The following AKTIP variants were observed in gnomAD, a reference collection of about 807,000 sequenced individuals.
AKTIP encodes AKT interacting protein.
A neutral mutation model predicts 39.1 loss-of-function variants in AKTIP; 16 were observed. That is an observed-to-expected ratio of 0.41 (90% CI 0.28 to 0.62). AKTIP has a LOEUF of 0.62. AKTIP is among the 20% of genes least tolerant of loss of function. The probability of loss-of-function intolerance (pLI) is 0.32; values close to 1 mark genes in which losing one functional copy is unlikely to be tolerated. For missense variants in AKTIP, 262 were observed against 356.6 expected (o/e 0.73, Z 2.14); for synonymous variants, 93 against 124.3 (o/e 0.75, Z 1.67).
At chr16:53,503,880 C>T (rs188315650), upstream of AKTIP, among the ~76,000 whole-genome samples, 1,270 of 152,220 alleles carry the variant, frequency 8.3e-3, 21 homozygotes, top group African/African-American at 0.029. Context: ...GGGAGCTCAG[C>T]TCCAAGTGGG....
upstream of AKTIP, among the ~76,000 whole-genome samples, chr16:53,504,004 G>C (rs1962335288): frequency 6.6e-6 from 1 of 152,108 alleles, no homozygotes; most frequent in Non-Finnish European, 1.5e-5. Context: ...TGAGGACCAG[G>C]AATCCACATC....
chr16:53,503,258 CG>C (rs1962298025), upstream of AKTIP: 1 of 117,062 alleles, frequency 8.5e-6, no homozygotes, highest in African/African-American at 3.3e-5. Context: ...CGCCCCACCC[CG>C]CCCTGCCCTG....
chr16:53,494,558 G>A lies in AKTIP; in HGVS notation c.462C>T (p.Thr154=). Residue 154 remains threonine (T), a synonymous_variant, in exon 6 of 10, where the codon ACC becomes ACT. Transcript: ENST00000394657. ...IPVFHPLVDP[T]SGELDVKRAF... Reference sequence around the variant, plus strand: ...CTCTCTTCACATCCAGCTCACCTGAGGTGGGATCAACTAGCGGGTGAAAGA... The same window carrying A: ...CTCTCTTCACATCCAGCTCACCTGAAGTGGGATCAACTAGCGGGTGAAAGA... The A allele has an allele frequency of 6.2e-7, 1 of 1,614,182 alleles. No homozygotes were observed. The highest frequency in any genetic ancestry group is 8.5e-7 in the Non-Finnish European group (1 of 1,180,026).
At chr16:53,495,692 G>A (rs1309866388) in intron 3 of AKTIP, among the ~76,000 whole-genome samples, 1 of 152,230 alleles carries the variant, frequency 6.6e-6, no homozygotes, top group Non-Finnish European at 1.5e-5. Flanking sequence ...AATGCAACCT[G>A]AGGTAAGTTC....
At chr16:53,498,309 T>C (rs1230001150) in intron 3 of AKTIP, 82 bp downstream of exon 3, 3 of 1,415,766 alleles carry the variant, frequency 2.1e-6, no homozygotes, top group East Asian at 2.3e-5. Context: ...GTCTGCCCTT[T>C]ACTGCATCCA....
At chr16:53,501,333 G>A (rs570030517) in intron 1 of AKTIP, 1 of 152,352 alleles carries the variant, frequency 6.6e-6, no homozygotes, top group East Asian at 1.9e-4. Flanking sequence ...AGGCACGCAA[G>A]AGAGACATTT....
rs770316581 is a variant in AKTIP, at chr16:53,492,507, G to C, written c.784C>G (p.Gln262Glu). The change falls in exon 10 of 10, where the codon CAG becomes GAG. Residue 262 changes from glutamine (Q) to glutamate (E), a missense_variant. This residue lies in a region of AKTIP where 145 missense variants were observed against 159.3 expected (regional missense o/e 0.91). Transcript: ENST00000394657. ...KMLTQKKPEEQHNKSVHVAGL... is the reference protein window; with the variant it reads ...KMLTQKKPEEEHNKSVHVAGL... ...GCAACATGAACACTTTTATTGTGCT[G>C]TTCTTCAGGCTTCTTCTAGGCACAA... The C allele has an allele frequency of 8.7e-6, 14 of 1,614,158 alleles. No homozygotes were observed. Among genetic ancestry groups the C allele is most frequent in the Non-Finnish European group, 1.2e-5 (14 of 1,180,018 alleles).
chr16:53,502,677 G>A (rs1471916576), intron 1 of AKTIP: 1 of 152,420 alleles, frequency 6.6e-6, no homozygotes, highest in Admixed American at 6.5e-5. Flanking sequence ...CCGTCTCTGA[G>A]CACTCAGGGA....
chr16:53,492,554 T>C, intron 9 of AKTIP, 35 bp from the exon 10 acceptor site: 1 of 1,611,516 alleles, frequency 6.2e-7, no homozygotes, highest in Non-Finnish European at 8.5e-7. Flanking sequence ...ATTTAAAAAA[T>C]TACTGGTGAG....
At chr16:53,492,619 G>T in intron 9 of AKTIP, 74 bp downstream of exon 9, 2 of 1,596,830 alleles carry the variant, frequency 1.3e-6, no homozygotes, top group South Asian at 1.1e-5. Flanking sequence ...TGTATGTAAT[G>T]AGCAGTCTCC....
chr16:53,493,527 G>A (rs923658441), intron 8 of AKTIP: 5 of 153,806 alleles, frequency 3.3e-5, no homozygotes, highest in African/African-American at 9.7e-5. Flanking sequence ...GGCTGGTCTT[G>A]AACTCCTGAC....
In AKTIP at chr16:53,492,044, T is replaced by C. The variant is rs1373794861; in HGVS notation, c.*368A>G. The C allele has an allele frequency of 5.4e-6, 1 of 184,156 alleles. No individual in the cohort carries two copies. The highest frequency in any genetic ancestry group is 1.2e-4 in the South Asian group (1 of 8,546). The allele number at this position is 184,156 out of a possible 1,614,324, so 11.4% of individuals were successfully genotyped here. ...CTATACCTCTCCATTTCCTAACATA[T>C]ATACAACTGAAACCACTGATTTATA... On this transcript the variant is annotated 3_prime_UTR_variant, in exon 10 of 10. Transcript: ENST00000394657.
intron 3 of AKTIP, among the ~76,000 whole-genome samples, chr16:53,495,921 C>CA (rs1961803730): frequency 6.6e-6 from 1 of 152,224 alleles, no homozygotes; most frequent in South Asian, 2.1e-4. Context: ...GTGCGGCTCT[C>CA]ACACGCCCTG....
At chr16:53,492,881 G>A in intron 8 of AKTIP, 128 bp from the exon 9 acceptor site, 1 of 744,798 alleles carries the variant, frequency 1.3e-6, no homozygotes, top group Non-Finnish European at 2.3e-6. Flanking sequence ...TTGTCGACAT[G>A]TATGTTTTAG....
upstream of AKTIP, chr16:53,503,307 T>G (rs990306349): frequency 2.1e-4 from 27 of 131,166 alleles, no homozygotes; most frequent in African/African-American, 7.7e-4. Context: ...CGCCCCCTGC[T>G]GCACGATCCT....
chr16:53,502,141 C>T (rs905178620), intron 1 of AKTIP, among the ~76,000 whole-genome samples: 1 of 152,176 alleles, frequency 6.6e-6, no homozygotes, highest in African/African-American at 2.4e-5. Context: ...TAAATTTTGT[C>T]CCCAGTTCTG....
At chr16:53,499,223 C>T (rs537973111) in intron 2 of AKTIP, among the ~76,000 whole-genome samples, 6 of 152,246 alleles carry the variant, frequency 3.9e-5, no homozygotes, top group South Asian at 2.1e-4. Context: ...ACTTCCTTGG[C>T]GCAAGTACAA....
chr16:53,500,262 C>A lies in AKTIP; in HGVS notation c.-3G>T. 1 of 1,612,508 alleles carries A rather than the reference C, an allele frequency of 6.2e-7. No homozygotes were observed. Among genetic ancestry groups the A allele is most frequent in the Non-Finnish European group, 8.5e-7 (1 of 1,179,502 alleles). On this transcript the variant is annotated 5_prime_UTR_variant, in exon 2 of 10. Coordinates refer to ENST00000394657, the MANE Select transcript of AKTIP (RefSeq NM_022476.4). Reference sequence around the variant, plus strand: ...GACATGCTCCAGAAAGGGTTCATAACGTGTATTCCAAACAAAGAAAGTCAG... The same window carrying A: ...GACATGCTCCAGAAAGGGTTCATAAAGTGTATTCCAAACAAAGAAAGTCAG...
At chr16:53,497,401 C>T (rs1961903155) in intron 3 of AKTIP, among the ~76,000 whole-genome samples, 2 of 152,206 alleles carry the variant, frequency 1.3e-5, no homozygotes, top group Admixed American at 1.3e-4. Context: ...CTAAGTCCTG[C>T]CTTTGGGGGT....
Sources: allele counts gnomAD v4.1 joint callset (sites outside exome capture counted in the v4.1 genomes callset), GRCh38; gene constraint gnomAD v4.1.1; regional missense constraint gnomAD v4.1.1; transcripts MANE v1.5; gene names NCBI Gene and HGNC (gene_info 2026-07-23, HGNC 2026-07-21).